The following MELK variants were observed in gnomAD, a reference collection of about 807,000 sequenced individuals.
MELK encodes pEg3 kinase.
In MELK, 81 loss-of-function variants were observed where a neutral mutation model predicts 85.0. That is an observed-to-expected ratio of 0.95 (90% CI 0.80 to 1.15). The LOEUF is 1.15. Among genes scored for constraint, MELK ranks in the 50% most tolerant of loss-of-function variants. MELK has a pLI of 0.00. For synonymous variants in MELK, 252 were observed against 265.0 expected, an observed-to-expected ratio of 0.95 and a Z score of 0.48; for missense variants, 754 against 777.5, an observed-to-expected ratio of 0.97 and a Z score of 0.36.
At chr9:36,675,023 C>G in intron 17 of MELK, 86 bp downstream of exon 17, 1 of 894,478 alleles carries the variant, frequency 1.1e-6, no homozygotes, top group Non-Finnish European at 1.8e-6. Context: ...CGGTGGCTCA[C>G]GCCTGTAATC....
At chr9:36,639,988 G>A (rs1394345763) in intron 10 of MELK, among the ~76,000 whole-genome samples, 1 of 152,200 alleles carries the variant, frequency 6.6e-6, no homozygotes, top group Non-Finnish European at 1.5e-5. Flanking sequence ...AGACCATCTT[G>A]AGGGGAAATC....
At chr9:36,577,119 G>C (rs1423806232) in intron 1 of MELK, among the ~76,000 whole-genome samples, 2 of 152,298 alleles carry the variant, frequency 1.3e-5, no homozygotes, top group East Asian at 3.9e-4. Context: ...TTAAGGCTTA[G>C]TAACATGCTA....
At chr9:36,648,869 C>A (rs970677712) in intron 11 of MELK, among the ~76,000 whole-genome samples, 14 of 151,686 alleles carry the variant, frequency 9.2e-5, no homozygotes, top group Non-Finnish European at 1.6e-4. Context: ...AACAGACAAC[C>A]AAAAATCACT....
chr9:36,587,148 C>T (rs747590678), intron 3 of MELK, among the ~76,000 whole-genome samples: 3 of 151,118 alleles, frequency 2.0e-5, no homozygotes, highest in African/African-American at 4.9e-5. Context: ...CACGCCTGGC[C>T]GATTACTTCC....
intron 10 of MELK, among the ~76,000 whole-genome samples, chr9:36,640,303 G>A (rs1564194577): frequency 6.6e-6 from 1 of 152,172 alleles, no homozygotes. Context: ...AGAAAAAAAA[G>A]ATCAAGGCAC....
At chr9:36,598,883 C>A (rs1231890889) in intron 6 of MELK, among the ~76,000 whole-genome samples, 1 of 152,150 alleles carries the variant, frequency 6.6e-6, no homozygotes, top group Admixed American at 6.5e-5. Flanking sequence ...TGTTGGGAAT[C>A]CAGAGAAGCA....
At chr9:36,626,512 A>G (rs998934378) in intron 8 of MELK, among the ~76,000 whole-genome samples, 2 of 152,240 alleles carry the variant, frequency 1.3e-5, no homozygotes, top group Admixed American at 6.5e-5. Context: ...ACACGTAGAC[A>G]TATAGCTTAG....
chr9:36,591,639 A>T (rs1823591388), intron 4 of MELK, among the ~76,000 whole-genome samples: 1 of 152,068 alleles, frequency 6.6e-6, no homozygotes, highest in African/African-American at 2.4e-5. Context: ...TTTAAAAGGT[A>T]CAAGAGAGTG....
chr9:36,665,515 G>C lies in MELK; in HGVS notation c.1342G>C (p.Val448Leu). The change falls in exon 14 of 18, where the codon GTT (valine) becomes CTT (leucine). Residue 448 changes from valine to leucine, a missense_variant. Val to Leu is a conservative substitution (Grantham distance 32, BLOSUM62 1). Transcript: ENST00000298048. The part of the protein sequence containing the change: ...YFMFPEPKTP[V>L]NKNQHKREIL... ...TATGTTTCCTGAGCCAAAGACTCCA[G>C]TTAATAAGAACCAGCATAAGAGAGA... 1 of 1,613,908 alleles carries C rather than the reference G, an allele frequency of 6.2e-7. No individual in the cohort carries two copies. Among genetic ancestry groups the C allele is most frequent in the Non-Finnish European group, 8.5e-7 (1 of 1,179,888 alleles).
chr9:36,583,473 A>C (rs1228823874), intron 2 of MELK, among the ~76,000 whole-genome samples, 154 bp from the exon 3 acceptor site: 3 of 150,736 alleles, frequency 2.0e-5, no homozygotes, highest in African/African-American at 4.9e-5. Flanking sequence ...AAAAACCTTC[A>C]GCTAGACATT....
Position 36,586,291 on chromosome 9 carries a change from G to A in MELK, c.144+2579G>A, listed in dbSNP as rs749483569. On this transcript the variant is annotated intron_variant, in intron 3 of 17. Coordinates refer to ENST00000298048, the MANE Select transcript of MELK (RefSeq NM_014791.4). Reference sequence around the variant, plus strand: ...CTGGGAGGTTGGGCTGCAGTGAGCCGAGATGGTGCCGCTGCACTCCAGACT... The same window carrying A: ...CTGGGAGGTTGGGCTGCAGTGAGCCAAGATGGTGCCGCTGCACTCCAGACT... Among the ~76,000 whole-genome samples, 12 of 151,374 alleles carry A rather than the reference G, an allele frequency of 7.9e-5. No individual in the cohort carries two copies. The East Asian group carries it at 9.7e-4, about 12-fold the overall frequency.
At position 36,651,598 on chromosome 9, in the gene MELK, C is replaced by T. The variant is rs942347924; in HGVS notation, c.922-148C>T. ...TGTATGTGTGTGGAGGTGTGGTGCA[C>T]TGGTTGCTGTTTTTCATCATATGCT... On this transcript the variant is annotated intron_variant, in intron 11 of 17. Transcript: ENST00000298048. 14 of 799,446 alleles carry T rather than the reference C, an allele frequency of 1.8e-5. No homozygotes were observed. In the African/African-American group the frequency reaches 2.3e-4, roughly 13 times the overall value. The allele number at this position is 799,446 out of a possible 1,614,324, so 49.5% of individuals were successfully genotyped here. A position where few individuals can be genotyped will look rare whatever the true frequency, so the allele number is the denominator to read the frequency against.
rs571693974 is a variant in MELK at position 36,651,941 on chromosome 9, T to C, written c.1053+64T>C. The C allele has an allele frequency of 1.0e-3, 1,407 of 1,407,122 alleles. 5 individuals carry two copies. The highest frequency in any genetic ancestry group is 2.6e-3 in the Admixed American group (115 of 43,746). The allele number at this position is 1,407,122 out of a possible 1,614,324, so 87.2% of individuals were successfully genotyped here. A position where few individuals can be genotyped will look rare whatever the true frequency, so the allele number is the denominator to read the frequency against. ...CCCTGTTCCTGAGTGTGTATACCAC[T>C]GGGAAGGTAAACTTTCCGGTGTCAA... On this transcript the variant is annotated intron_variant, in intron 12 of 17. Coordinates refer to ENST00000298048, the MANE Select transcript of MELK (RefSeq NM_014791.4).
chr9:36,633,206 T>A lies in MELK; in HGVS notation c.834+6T>A. On this transcript the variant is annotated splice_donor_region_variant and intron_variant, in intron 10 of 17. Transcript: ENST00000298048. Reference sequence around the variant, plus strand: ...AGTGGCAAAGCAAGAATCCTGTAAGTAAAATGAAATCCAGTAGAATTTTTT... The same window carrying A: ...AGTGGCAAAGCAAGAATCCTGTAAGAAAAATGAAATCCAGTAGAATTTTTT... 6.3e-7 allele frequency: 1 copy of A among 1,585,808 alleles called. No individual in the cohort carries two copies. The highest frequency in any genetic ancestry group is 8.6e-7 in the Non-Finnish European group (1 of 1,168,296).
intron 7 of MELK, among the ~76,000 whole-genome samples, chr9:36,601,010 T>TTA (rs1051691526): frequency 2.6e-5 from 4 of 152,178 alleles, no homozygotes; most frequent in African/African-American, 4.8e-5. Flanking sequence ...TTCTCTATGT[T>TTA]TATATATATG....
intron 2 of MELK, among the ~76,000 whole-genome samples, chr9:36,582,035 G>C (rs1056998890): frequency 6.6e-6 from 1 of 150,822 alleles, no homozygotes. Context: ...GCAGTGGCGC[G>C]ATCTTGGCTC....
At chr9:36,626,964 G>GAA (rs1045934255) in intron 8 of MELK, among the ~76,000 whole-genome samples, 6 of 60,844 alleles carry the variant, frequency 9.9e-5, no homozygotes, top group Admixed American at 1.9e-4. Context: ...ATCTCAAGAA[G>GAA]AAAAAAAAAA....
At chr9:36,649,938 A>ATTTT (rs1830552544) in intron 11 of MELK, among the ~76,000 whole-genome samples, 1 of 151,468 alleles carries the variant, frequency 6.6e-6, no homozygotes, top group African/African-American at 2.4e-5. Context: ...TAATTTAATT[A>ATTTT]AATTAATTAA....
At position 36,594,695 on chromosome 9, in the gene MELK, G is replaced by T. The variant is rs1393986319; in HGVS notation, c.329G>T (p.Arg110Leu). The change falls in exon 5 of 18, where the codon CGG (arginine) becomes CTG (leucine). Residue 110 changes from arginine to leucine, a missense_variant. Coordinates refer to ENST00000298048, the MANE Select transcript of MELK (RefSeq NM_014791.4). ...SQDRLSEEET[R>L]VVFRQIVSAV... ...GATCGCCTGTCAGAAGAGGAGACCCGGGTTGTCTTCCGTCAGATAGTATCT... is the reference window on the plus strand; with the variant it reads ...GATCGCCTGTCAGAAGAGGAGACCCTGGTTGTCTTCCGTCAGATAGTATCT... 1 of 1,614,022 alleles carries T rather than the reference G, an allele frequency of 6.2e-7. No homozygotes were observed.
Sources: allele counts gnomAD v4.1 joint callset (sites outside exome capture counted in the v4.1 genomes callset), GRCh38; gene constraint gnomAD v4.1.1; transcripts MANE v1.5; gene names NCBI Gene and HGNC (gene_info 2026-07-23, HGNC 2026-07-21).